Variants in JAK1 observed in about 807,000 individuals in gnomAD.
The protein encoded by JAK1 is Janus kinase 1.
JAK1 carries 16 observed loss-of-function variants against 136.6 expected under a neutral mutation model. The observed-to-expected ratio is 0.12, with a 90% CI of 0.08 to 0.18. JAK1 has a LOEUF of 0.18. Ranked by LOEUF, JAK1 falls within the 10% of genes least tolerant of loss-of-function variation. The pLI is 1.00. For missense variants in JAK1, 859 were observed against 1,450.1 expected (o/e 0.59, Z 6.62); for synonymous variants, 492 against 519.5 (o/e 0.95, Z 0.72).
At position 64,845,792 on chromosome 1, in the gene JAK1, T is replaced by A; in HGVS notation, c.1988-152A>T. ...TGCAATGGTGCAGGGGCTTCAGAGC[T>A]GGAAAGGCCAAGTTCAACCCCAAGC... On this transcript the variant is annotated intron_variant, in intron 14 of 24. Coordinates refer to ENST00000342505, the MANE Select transcript of JAK1 (RefSeq NM_002227.4). 13 of 881,160 alleles carry A rather than the reference T, an allele frequency of 1.5e-5. No individual in the cohort carries two copies. In the South Asian group the frequency reaches 2.1e-4, roughly 14 times the overall value. The allele number at this position is 881,160 out of a possible 1,614,324, so 54.6% of individuals were successfully genotyped here.
chr1:64,838,334 C>T (rs1325460955), intron 21 of JAK1, 131 bp downstream of exon 21: 2 of 1,020,918 alleles, frequency 2.0e-6, no homozygotes, highest in Non-Finnish European at 2.9e-6. Flanking sequence ...AACTTTTCAT[C>T]TAAATAATGC....
At chr1:64,855,163 T>C (rs896411205) in intron 11 of JAK1, among the ~76,000 whole-genome samples, 1 of 152,230 alleles carries the variant, frequency 6.6e-6, no homozygotes, top group Non-Finnish European at 1.5e-5. Flanking sequence ...CCACAAAAGA[T>C]GTGCCAGGAA....
intron 1 of JAK1, among the ~76,000 whole-genome samples, chr1:64,928,787 A>AAAAAC (rs1645631291): frequency 1.1e-5 from 1 of 92,602 alleles, no homozygotes; most frequent in Non-Finnish European, 1.9e-5. Flanking sequence ...GCAAAAAAAA[A>AAAAAC]AAAAAAAAAC....
chr1:65,063,804 C>CAAAAAAAAAAAA (rs370192253), intron 1 of JAK1, among the ~76,000 whole-genome samples: 15 of 81,180 alleles, frequency 1.8e-4, no homozygotes, highest in Non-Finnish European at 3.0e-4. Context: ...GACTCTATCT[C>CAAAAAAAAAAAA]AAAAAAAAAA....
chr1:64,944,746 G>C (rs1569660601), intron 1 of JAK1, among the ~76,000 whole-genome samples: 2 of 152,182 alleles, frequency 1.3e-5, no homozygotes, highest in Admixed American at 1.3e-4. Flanking sequence ...ATTTATGTTG[G>C]GGATACACAC....
chr1:64,983,595 G>T (rs372137059), intron 2 of JAK1, among the ~76,000 whole-genome samples: 1 of 152,126 alleles, frequency 6.6e-6, no homozygotes, highest in Non-Finnish European at 1.5e-5. Flanking sequence ...CATTTGGATG[G>T]CTCTACCACC....
chr1:64,844,949 C>T lies in JAK1; in HGVS notation c.2116-60G>A. ...CTCCTTCCCGCATTCTATTTCCAAC[C>T]CTGGTCCCTCAGGTCATCTCTTCCT... is the stretch of plus-strand genomic sequence containing the variant. On this transcript the variant is annotated intron_variant, in intron 15 of 24. Transcript: ENST00000342505. This position sits in a 1 kb window ranked among gnomAD's most constrained non-coding sequence, Gnocchi z 5.7. 6.2e-7 allele frequency: 1 copy of T among 1,608,354 alleles called. No homozygotes were observed. Among genetic ancestry groups the T allele is most frequent in the Non-Finnish European group, 8.5e-7 (1 of 1,176,086 alleles).
chr1:64,850,795 G>T lies in JAK1; in HGVS notation c.1755+9C>A, dbSNP rs368222911. Reference sequence around the variant, plus strand: ...CACAGCTGGCCCACACCCTGCAGCCGTGACTCACCTGCACCAGATCCTTCT... The same window carrying T: ...CACAGCTGGCCCACACCCTGCAGCCTTGACTCACCTGCACCAGATCCTTCT... On this transcript the variant is annotated intron_variant, in intron 12 of 24. Transcript: ENST00000342505. 6.2e-7 allele frequency: 1 copy of T among 1,605,218 alleles called. No individual in the cohort carries two copies. Among genetic ancestry groups the T allele is most frequent in the Admixed American group, 1.7e-5 (1 of 59,976 alleles).
Position 65,007,987 on chromosome 1 carries a change from C to A in JAK1, c.-78+36493G>T, listed in dbSNP as rs148221518. Among the ~76,000 whole-genome samples the A allele has an allele frequency of 2.0e-5, 3 of 152,266 alleles. No homozygotes were observed. The East Asian group carries it at 5.8e-4, about 29-fold the overall frequency. On this transcript the variant is annotated intron_variant, in intron 2 of 25. Transcript: ENST00000671954. ...CTCGAACTCCTGACCTCAGGTGATC[C>A]GCCTGCCTTGGCCTCCCAAAGTGTT... is the stretch of plus-strand genomic sequence containing the variant.
At chr1:64,870,786 C>T (rs1057241968) in intron 5 of JAK1, among the ~76,000 whole-genome samples, 19 of 152,278 alleles carry the variant, frequency 1.2e-4, no homozygotes, top group African/African-American at 4.6e-4. Flanking sequence ...CTCTTCTTTT[C>T]ACCATGGGAT....
At chr1:64,879,690 A>G (rs1644739439) in intron 3 of JAK1, among the ~76,000 whole-genome samples, 2 of 152,260 alleles carry the variant, frequency 1.3e-5, no homozygotes, top group Non-Finnish European at 2.9e-5. Flanking sequence ...GTCAGTGATT[A>G]AAATCTATTA....
chr1:64,881,718 G>A (rs1386396084), intron 3 of JAK1, among the ~76,000 whole-genome samples: 1 of 152,140 alleles, frequency 6.6e-6, no homozygotes, highest in African/African-American at 2.4e-5. Context: ...GTTATAGGAG[G>A]TCCAGCGACT....
At chr1:64,943,684 C>T (rs1645929696) in intron 1 of JAK1, among the ~76,000 whole-genome samples, 1 of 151,720 alleles carries the variant, frequency 6.6e-6, no homozygotes, top group South Asian at 2.1e-4. Context: ...AAAGCAGAAG[C>T]CTTTATAAAG....
In JAK1 at chr1:64,850,822, G is replaced by A. The variant is rs1306593607; in HGVS notation, c.1737C>T (p.Leu579=). Residue 579 remains leucine (L), a synonymous_variant, in exon 12 of 25, where the codon CTC becomes CTT. Coordinates refer to ENST00000342505, the MANE Select transcript of JAK1 (RefSeq NM_002227.4). Reference sequence around the variant, plus strand: ...GACTCACCTGCACCAGATCCTTCTTGAGGATCCGATCGAAACTCAGCTGGC... The same window carrying A: ...GACTCACCTGCACCAGATCCTTCTTAAGGATCCGATCGAAACTCAGCTGGC... ...PMSQLSFDRI[L]KKDLVQGEHL... 1.9e-6 allele frequency: 3 copies of A among 1,613,360 alleles called. No homozygotes were observed. The highest frequency in any genetic ancestry group is 2.5e-6 in the Non-Finnish European group (3 of 1,179,404).
intron 1 of JAK1, among the ~76,000 whole-genome samples, chr1:64,926,128 T>C (rs1190349727): frequency 6.6e-6 from 1 of 152,190 alleles, no homozygotes; most frequent in Non-Finnish European, 1.5e-5. Flanking sequence ...CATTCCCTGA[T>C]GCATAAACTG....
chr1:64,952,305 CTGGCT>C (rs1244925362), intron 1 of JAK1, among the ~76,000 whole-genome samples: 1 of 152,176 alleles, frequency 6.6e-6, no homozygotes, highest in East Asian at 1.9e-4. Context: ...CCAGGTTGGT[CTGGCT>C]TTGATCAAAT....
intron 2 of JAK1, chr1:64,985,611 A>C: frequency 1.9e-5 from 16 of 863,066 alleles, no homozygotes; most frequent in Non-Finnish European, 3.0e-5. Context: ...TCCAACAACA[A>C]TGCCCAGCTG....
intron 1 of JAK1, among the ~76,000 whole-genome samples, chr1:64,961,306 T>C (rs985609776): frequency 4.9e-4 from 75 of 152,218 alleles, no homozygotes; most frequent in African/African-American, 1.8e-3. Flanking sequence ...AGTTGATAAA[T>C]GGCAGATAAT....
chr1:64,975,560 C>T (rs888087242), intron 2 of JAK1, among the ~76,000 whole-genome samples: 2 of 152,222 alleles, frequency 1.3e-5, no homozygotes, highest in African/African-American at 4.8e-5. Context: ...GGCCAGTTCT[C>T]AGGCCCAACC....
Sources: gnomAD v4.1 joint callset for allele counts (sites outside exome capture counted in the v4.1 genomes callset) on GRCh38, gnomAD v4.1.1 for gene constraint, Gnocchi (gnomAD v3.1) non-coding constraint, MANE v1.5 for transcripts, NCBI Gene and HGNC (gene_info 2026-07-23, HGNC 2026-07-21) for gene names.